Variants in CDK6 observed in about 807,000 individuals in gnomAD.
CDK6 encodes the protein cyclin dependent kinase 6.
A neutral mutation model predicts 37.1 loss-of-function variants in CDK6; 6 were observed. The observed-to-expected ratio is 0.16, with a 90% CI of 0.09 to 0.32. The LOEUF is 0.32. Among genes scored for constraint, CDK6 ranks in the 10% least tolerant of loss-of-function variants. The pLI is 1.00. For synonymous variants in CDK6, 160 were observed against 161.3 expected, an observed-to-expected ratio of 0.99 and a Z score of 0.06; for missense variants, 224 against 418.9, an observed-to-expected ratio of 0.53 and a Z score of 4.06.
chr7:92,693,233 A>T (rs1201929320), intron 4 of CDK6, among the ~76,000 whole-genome samples: 1 of 152,096 alleles, frequency 6.6e-6, no homozygotes, highest in African/African-American at 2.4e-5. Context: ...TGTTTTTCTT[A>T]CCTGGGTTAA....
chr7:92,751,740 A>T (rs966904037), intron 3 of CDK6, among the ~76,000 whole-genome samples: 3 of 152,190 alleles, frequency 2.0e-5, no homozygotes, highest in African/African-American at 7.2e-5. Context: ...ATATTTTATG[A>T]ATGGCCAAAA....
chr7:92,776,069 C>G (rs941454214), intron 2 of CDK6, among the ~76,000 whole-genome samples: 3 of 151,488 alleles, frequency 2.0e-5, no homozygotes, highest in Non-Finnish European at 4.4e-5. Flanking sequence ...CTAACCCCCC[C>G]ACCCCGACAG....
intron 3 of CDK6, among the ~76,000 whole-genome samples, chr7:92,773,182 T>G (rs940679682): frequency 6.6e-6 from 1 of 152,170 alleles, no homozygotes; most frequent in African/African-American, 2.4e-5. Context: ...ACATGAGATA[T>G]GTACATTAAA....
chr7:92,738,253 T>A (rs903026448), intron 3 of CDK6, among the ~76,000 whole-genome samples: 1 of 151,980 alleles, frequency 6.6e-6, no homozygotes, highest in East Asian at 1.9e-4. Context: ...TCAGGCCAAA[T>A]GGAACTGAAG....
At chr7:92,690,583 T>C (rs1005946240) in intron 4 of CDK6, among the ~76,000 whole-genome samples, 15 of 152,098 alleles carry the variant, frequency 9.9e-5, no homozygotes, top group Non-Finnish European at 2.1e-4. Flanking sequence ...AAAAGAAATA[T>C]TTAATTCAGC....
At chr7:92,773,069 ATACT>A (rs1274000477) in intron 3 of CDK6, among the ~76,000 whole-genome samples, 2 of 152,206 alleles carry the variant, frequency 1.3e-5, no homozygotes, top group East Asian at 3.9e-4. Flanking sequence ...AATTTTGAAA[ATACT>A]TACATCTAAA....
chr7:92,650,399 G>C (rs192747862), intron 5 of CDK6, among the ~76,000 whole-genome samples: 1 of 151,964 alleles, frequency 6.6e-6, no homozygotes, highest in Non-Finnish European at 1.5e-5. Context: ...AATGTTTATT[G>C]TTTATTCCAC....
At chr7:92,754,674 A>G (rs1799269004) in intron 3 of CDK6, among the ~76,000 whole-genome samples, 2 of 152,232 alleles carry the variant, frequency 1.3e-5, no homozygotes, top group African/African-American at 4.8e-5. Flanking sequence ...TTTAAAAAAT[A>G]AAACAACAGT....
chr7:92,675,007 T>C (rs1797172177), intron 4 of CDK6, among the ~76,000 whole-genome samples: 1 of 152,144 alleles, frequency 6.6e-6, no homozygotes, highest in African/African-American at 2.4e-5. Flanking sequence ...AATATTTTTG[T>C]ATTTTTTGTA....
chr7:92,733,243 C>T (rs186257384), intron 3 of CDK6, among the ~76,000 whole-genome samples: 20 of 152,214 alleles, frequency 1.3e-4, no homozygotes, highest in Non-Finnish European at 4.4e-5. Context: ...TGTGTACCTC[C>T]TTCCATTAAT....
chr7:92,796,845 G>C (rs566677921), intron 2 of CDK6, among the ~76,000 whole-genome samples: 2 of 152,170 alleles, frequency 1.3e-5, no homozygotes, highest in East Asian at 3.9e-4. Flanking sequence ...CTTTTAGTCA[G>C]AGAAGTTATA....
chr7:92,765,208 G>T (rs1394526791), intron 3 of CDK6, among the ~76,000 whole-genome samples: 3 of 151,966 alleles, frequency 2.0e-5, no homozygotes, highest in Non-Finnish European at 4.4e-5. Context: ...CGAGAATAGG[G>T]TCTAAAATTC....
At chr7:92,814,053 T>C (rs929985890) in intron 2 of CDK6, among the ~76,000 whole-genome samples, 16 of 152,228 alleles carry the variant, frequency 1.1e-4, no homozygotes, top group African/African-American at 3.9e-4. Flanking sequence ...CTGCAAAGAA[T>C]TAATTCATAG....
chr7:92,778,450 C>T (rs996930851), intron 2 of CDK6, among the ~76,000 whole-genome samples: 1 of 152,160 alleles, frequency 6.6e-6, no homozygotes, highest in African/African-American at 2.4e-5. Context: ...TACCATAAAT[C>T]ATATTAAGTC....
At chr7:92,679,105 T>A (rs1428089692) in intron 4 of CDK6, among the ~76,000 whole-genome samples, 1 of 152,200 alleles carries the variant, frequency 6.6e-6, no homozygotes, top group Non-Finnish European at 1.5e-5. Context: ...CTGCAAATCA[T>A]GCCTGTGTCA....
At position 92,614,996 on chromosome 7, in the gene CDK6, G is replaced by T; in HGVS notation, c.*144C>A. 1 of 714,100 alleles carries T rather than the reference G, an allele frequency of 1.4e-6. No homozygotes were observed. The highest frequency in any genetic ancestry group is 2.3e-6 in the Non-Finnish European group (1 of 438,252). The allele number at this position is 714,100 out of a possible 1,614,324, so 44.2% of individuals were successfully genotyped here. On this transcript the variant is annotated 3_prime_UTR_variant, in exon 8 of 8. Coordinates refer to ENST00000424848, the MANE Select transcript of CDK6 (RefSeq NM_001145306.2). The stretch of plus-strand genomic sequence containing the variant: ...AAACAGTAAACTAGGCGGTTTCCTT[G>T]GAGAAGCAGAGCCTGTCCAGAAGAC...
chr7:92,789,373 G>A (rs948433060), intron 2 of CDK6, among the ~76,000 whole-genome samples: 1 of 152,114 alleles, frequency 6.6e-6, no homozygotes, highest in African/African-American at 2.4e-5. Context: ...ACTGGCAAAG[G>A]TAACTAACTA....
chr7:92,612,226 C>CT lies in CDK6; in HGVS notation c.*2913dup, dbSNP rs1471908081. On this transcript the variant is annotated 3_prime_UTR_variant, in exon 8 of 8. Coordinates refer to ENST00000424848, the MANE Select transcript of CDK6 (RefSeq NM_001145306.2). Reference sequence around the variant, plus strand: ...CAGGGACATTCTTGTACTGGTCCTACTATGAAATTCAAACATGATTTCAAA... The same window carrying CT: ...CAGGGACATTCTTGTACTGGTCCTACTTATGAAATTCAAACATGATTTCAAA... 150 of 233,168 alleles carry CT rather than the reference C, an allele frequency of 6.4e-4. No individual in the cohort carries two copies. The East Asian group carries it at 9.0e-3, about 14-fold the overall frequency. 14.4% of individuals were successfully genotyped at this position (233,168 alleles called of 1,614,324 possible).
Position 92,638,497 on chromosome 7 carries a change from G to T in CDK6, c.648-15411C>A, listed in dbSNP as rs1447426583. On this transcript the variant is annotated intron_variant, in intron 5 of 7. Transcript: ENST00000424848. ...GAAGGATGCTTCAGAGCAAATCGGG[G>T]TCTGCCTCACTGAGTCTTGCTTTGT... Among the ~76,000 whole-genome samples the T allele has an allele frequency of 3.9e-5, 6 of 152,270 alleles. No individual in the cohort carries two copies. The South Asian group carries it at 1.0e-3, about 26-fold the overall frequency.
Sources: allele counts gnomAD v4.1 joint callset (sites outside exome capture counted in the v4.1 genomes callset), GRCh38; gene constraint gnomAD v4.1.1; transcripts MANE v1.5; gene names NCBI Gene and HGNC (gene_info 2026-07-23, HGNC 2026-07-21).